Variants in KAT6B observed in about 807,000 individuals in gnomAD.
KAT6B encodes the protein histone acetyltransferase KAT6B.
Under a neutral mutation model 187.5 loss-of-function variants are expected in KAT6B, and 10 were observed. The observed-to-expected ratio is 0.05, with a 90% CI of 0.03 to 0.09. KAT6B has a LOEUF of 0.09. Ranked by LOEUF, KAT6B falls within the 10% of genes least tolerant of loss-of-function variation. KAT6B has a pLI of 1.00. For missense variants in KAT6B, 1,952 were observed against 2,558.9 expected, an observed-to-expected ratio of 0.76 and a Z score of 5.12; for synonymous variants, 861 against 926.8, an observed-to-expected ratio of 0.93 and a Z score of 1.29.
At chr10:74,917,566 T>C (rs930201788) in intron 3 of KAT6B, among the ~76,000 whole-genome samples, 6 of 152,168 alleles carry the variant, frequency 3.9e-5, no homozygotes, top group Non-Finnish European at 8.8e-5. Flanking sequence ...GGAAGGGAGA[T>C]AAATGAATGG....
intron 13 of KAT6B, chr10:75,003,046 G>A (rs1354517985): frequency 6.6e-6 from 1 of 152,212 alleles, no homozygotes; most frequent in Non-Finnish European, 1.5e-5. Context: ...ATCAGCACTG[G>A]TTTACTTACT....
At chr10:74,906,211 C>G (rs551179470) in intron 3 of KAT6B, among the ~76,000 whole-genome samples, 1 of 152,094 alleles carries the variant, frequency 6.6e-6, no homozygotes, top group Non-Finnish European at 1.5e-5. Context: ...ACCAGCCTGA[C>G]CAACATGGTA....
At chr10:74,962,139 C>CA (rs1380056804) in intron 4 of KAT6B, among the ~76,000 whole-genome samples, 1 of 151,994 alleles carries the variant, frequency 6.6e-6, no homozygotes, top group Non-Finnish European at 1.5e-5. Flanking sequence ...CTGCTTTAGT[C>CA]AAAAAAACTA....
rs374801847 is a variant in KAT6B at position 74,897,128 on chromosome 10, GT to G, written c.621+53654del. 7.2e-5 allele frequency among the ~76,000 whole-genome samples: 11 copies of G among 152,250 alleles called. No individual in the cohort carries two copies. In the South Asian group the frequency reaches 2.3e-3, roughly 32 times the overall value. ...TTTTCTGTTAAACAAATAGCTTTGT[GT>G]TTTATTAACTGCCAGTGTTTAAATT... On this transcript the variant is annotated intron_variant, in intron 3 of 17. Coordinates refer to ENST00000287239, the MANE Select transcript of KAT6B (RefSeq NM_012330.4).
chr10:74,976,036 C>A lies in KAT6B; in HGVS notation c.1699C>A (p.Pro567Thr). 1 of 1,614,172 alleles carries A rather than the reference C, an allele frequency of 6.2e-7. No individual in the cohort carries two copies. The highest frequency in any genetic ancestry group is 2.2e-5 in the East Asian group (1 of 44,884). ...CAAAAAGGGACACCCGAGTTATGCACCACCCAAACGTATGCGTCGTAAAAC... is the reference window on the plus strand; with the variant it reads ...CAAAAAGGGACACCCGAGTTATGCAACACCCAAACGTATGCGTCGTAAAAC... ...SRKKGHPSYA[P>T]PKRMRRKTEL... The change falls in exon 8 of 18, where the codon CCA becomes ACA. Residue 567 changes from proline to threonine, a missense_variant. By Grantham distance (38) the Pro-to-Thr change is conservative. Around this residue, in one of 9 missense-constraint regions of KAT6B, gnomAD observed 417 missense variants for 508.9 expected, o/e 0.82. Transcript: ENST00000287239.
chr10:74,977,144 A>G (rs943859954), intron 8 of KAT6B, 172 bp from the exon 9 acceptor site: 2 of 569,754 alleles, frequency 3.5e-6, no homozygotes, highest in Non-Finnish European at 6.2e-6. Flanking sequence ...TATAGCAGGG[A>G]AAGGATACTG....
intron 8 of KAT6B, chr10:74,976,672 A>G (rs1287768130): frequency 2.6e-6 from 1 of 381,776 alleles, no homozygotes; most frequent in Non-Finnish European, 5.0e-6. Flanking sequence ...CCCCCATGTC[A>G]CCTCTGCAGC....
chr10:74,843,603 A>G (rs1161322427), intron 3 of KAT6B, 125 bp downstream of exon 3: 19 of 1,221,488 alleles, frequency 1.6e-5, no homozygotes, highest in African/African-American at 3.0e-5. Context: ...TTTGCCTTAG[A>G]GCAGGCTTTT....
At chr10:74,967,933 T>C (rs1291950645) in intron 4 of KAT6B, among the ~76,000 whole-genome samples, 1 of 152,118 alleles carries the variant, frequency 6.6e-6, no homozygotes, top group South Asian at 2.1e-4. Flanking sequence ...GTGCGTGAAA[T>C]TGAGGTCATA....
In KAT6B at chr10:74,975,934, A is replaced by G. The variant is rs532130407; in HGVS notation, c.1597A>G (p.Ser533Gly). 1 of 1,614,104 alleles carries G rather than the reference A, an allele frequency of 6.2e-7. No homozygotes were observed. The highest frequency in any genetic ancestry group is 1.1e-5 in the South Asian group (1 of 91,076). Residue 533 changes from serine to glycine, a missense_variant, in exon 8 of 18, where the codon AGC becomes GGC. Ser to Gly is a moderately conservative substitution (Grantham distance 56). This residue lies in a region of KAT6B where 417 missense variants were observed against 508.9 expected (regional missense o/e 0.82). Coordinates refer to ENST00000287239, the MANE Select transcript of KAT6B (RefSeq NM_012330.4). ...SSQCSVPSLS[S>G]LTTNSQLKAL... is the part of the protein sequence containing the mutation. ...CCAGTGCAGTGTGCCCTCCCTGAGC[A>G]GCCTTACCACTAACAGCCAGCTGAA...
At chr10:74,910,673 G>C (rs965796252) in intron 3 of KAT6B, among the ~76,000 whole-genome samples, 2 of 150,548 alleles carry the variant, frequency 1.3e-5, no homozygotes, top group Non-Finnish European at 2.9e-5. Context: ...CACTCTCCCT[G>C]ATTTTTCAAA....
At chr10:74,961,961 G>A (rs1313491545) in intron 4 of KAT6B, among the ~76,000 whole-genome samples, 1 of 152,146 alleles carries the variant, frequency 6.6e-6, no homozygotes, top group Non-Finnish European at 1.5e-5. Flanking sequence ...AGGCTTTGGG[G>A]CCAAGGTATG....
intron 3 of KAT6B, among the ~76,000 whole-genome samples, chr10:74,943,041 A>G (rs1254743696): frequency 6.6e-6 from 1 of 152,170 alleles, no homozygotes. Flanking sequence ...GGAAGAACTA[A>G]TAGTGTCTCT....
Position 74,896,091 on chromosome 10 carries a change from G to T in KAT6B, c.621+52613G>T, listed in dbSNP as rs140567482. Among the ~76,000 whole-genome samples the T allele has an allele frequency of 2.3e-3, 346 of 152,034 alleles. 2 individuals carry two copies. The highest frequency in any genetic ancestry group is 7.9e-3 in the African/African-American group (329 of 41,462). On this transcript the variant is annotated intron_variant, in intron 3 of 17. Coordinates refer to ENST00000287239, the MANE Select transcript of KAT6B (RefSeq NM_012330.4). ...AAATGTTCCAGTCAGCCAGTCAGCT[G>T]CTTTTCTCTCCTATAGCCTCTTAGG...
At chr10:74,963,137 A>G (rs1057279782) in intron 4 of KAT6B, among the ~76,000 whole-genome samples, 1 of 152,210 alleles carries the variant, frequency 6.6e-6, no homozygotes, top group Non-Finnish European at 1.5e-5. Flanking sequence ...TATTCCAGCC[A>G]CTAATATGAA....
At chr10:74,902,657 A>G (rs1333817527) in intron 3 of KAT6B, among the ~76,000 whole-genome samples, 4 of 152,182 alleles carry the variant, frequency 2.6e-5, no homozygotes, top group South Asian at 2.1e-4. Flanking sequence ...TAGTGGTAAC[A>G]TTTTAAAGAT....
intron 4 of KAT6B, among the ~76,000 whole-genome samples, chr10:74,966,869 A>C (rs1015244853): frequency 2.6e-5 from 4 of 152,138 alleles, no homozygotes; most frequent in Non-Finnish European, 5.9e-5. Flanking sequence ...CTACCAAAAA[A>C]ATACAAAACA....
intron 3 of KAT6B, among the ~76,000 whole-genome samples, chr10:74,890,667 AG>A (rs1421045393): frequency 5.9e-5 from 9 of 152,218 alleles, no homozygotes; most frequent in African/African-American, 2.2e-4. Context: ...AAGGTAGGCT[AG>A]GGCCGGACCA....
At chr10:74,894,001 A>C (rs1285160618) in intron 3 of KAT6B, among the ~76,000 whole-genome samples, 1 of 152,244 alleles carries the variant, frequency 6.6e-6, no homozygotes, top group Non-Finnish European at 1.5e-5. Flanking sequence ...ACATACAGCT[A>C]ATAATAAAGG....
Sources: gnomAD v4.1 joint callset for allele counts (sites outside exome capture counted in the v4.1 genomes callset) on GRCh38, gnomAD v4.1.1 for gene constraint, gnomAD v4.1.1 regional missense constraint, MANE v1.5 for transcripts, NCBI Gene and HGNC (gene_info 2026-07-23, HGNC 2026-07-21) for gene names.